CUL3: variants seen among roughly 807,000 people sequenced by gnomAD.
CUL3 encodes cullin 3, also known as cullin-3.
CUL3 carries 19 observed loss-of-function variants against 89.1 expected under a neutral mutation model. The ratio of observed to expected loss-of-function variants is 0.21; its 90% CI spans 0.15 to 0.31. The LOEUF (loss-of-function observed/expected upper bound fraction) is 0.31. Among genes scored for constraint, CUL3 ranks in the 10% least tolerant of loss-of-function variants. The pLI is 1.00. For missense variants in CUL3, 469 were observed against 942.3 expected (o/e 0.50, Z 6.58); for synonymous variants, 351 against 308.4 (o/e 1.14, Z -1.45).
chr2:224,508,685 C>T (rs565140588), intron 6 of CUL3, among the ~76,000 whole-genome samples: 1 of 152,120 alleles, frequency 6.6e-6, no homozygotes, highest in Non-Finnish European at 1.5e-5. Flanking sequence ...ACTGGCGAGA[C>T]ACGGTGGCTC....
At chr2:224,522,319 G>GA (rs34812504) in intron 3 of CUL3, among the ~76,000 whole-genome samples, 1 of 152,008 alleles carries the variant, frequency 6.6e-6, no homozygotes, top group Non-Finnish European at 1.5e-5. Context: ...CATAGTGGGG[G>GA]AAAAAAAGTC....
rs2106132266 is a variant in CUL3 at position 224,474,086 on chromosome 2, G to A, written c.*159C>T. On this transcript the variant is annotated 3_prime_UTR_variant, in exon 16 of 16. Transcript: ENST00000264414. ...CCTGAAGCTCAATCAACTGATGTTG[G>A]AAACTCTCAAAGGGAGTAAAGGCTT... 2 of 606,234 alleles carry A rather than the reference G, an allele frequency of 3.3e-6. No individual in the cohort carries two copies. 37.6% of individuals were successfully genotyped at this position (606,234 alleles called of 1,614,324 possible).
intron 15 of CUL3, among the ~76,000 whole-genome samples, chr2:224,476,655 G>C (rs934298962): frequency 9.9e-5 from 15 of 152,154 alleles, no homozygotes; most frequent in East Asian, 1.9e-4. Context: ...AGGTTCTCAG[G>C]AAGAGGCATG....
rs1306139386 is a variant in CUL3, at chr2:224,514,758, T to C, written c.393A>G (p.Val131=). 3.1e-6 allele frequency: 5 copies of C among 1,611,598 alleles called. No individual in the cohort carries two copies. The highest frequency in any genetic ancestry group is 2.5e-6 in the Non-Finnish European group (3 of 1,178,002). The change falls in exon 4 of 16, where the codon GTA becomes GTG. Residue 131 remains valine, a synonymous_variant. Transcript: ENST00000264414. ...DILMYMDRVY[V]QQNNVENVYN... Reference sequence around the variant, plus strand: ...AGACGTTCTCCACATTATTTTGTTGTACATACACACGGTCCTACAGTTAAA... The same window carrying C: ...AGACGTTCTCCACATTATTTTGTTGCACATACACACGGTCCTACAGTTAAA...
intron 1 of CUL3, among the ~76,000 whole-genome samples, chr2:224,576,852 G>A (rs893755624): frequency 2.0e-5 from 3 of 152,144 alleles, no homozygotes; most frequent in African/African-American, 7.2e-5. Flanking sequence ...CTTACTCTAA[G>A]GATTACATGT....
intron 9 of CUL3, 60 bp from the exon 10 acceptor site, chr2:224,503,132 CA>C (rs1692454201): frequency 9.5e-7 from 1 of 1,056,302 alleles, no homozygotes; most frequent in Admixed American, 1.9e-5. Flanking sequence ...TGAGAAAGTA[CA>C]GAAAGAAATA....
chr2:224,546,159 T>C (rs1445662566), intron 2 of CUL3, among the ~76,000 whole-genome samples: 2 of 152,192 alleles, frequency 1.3e-5, no homozygotes, highest in African/African-American at 2.4e-5. Context: ...AAGATATACA[T>C]TAAAAGCTAT....
At position 224,584,475 on chromosome 2, in the gene CUL3, G is replaced by A. The variant is rs191769255; in HGVS notation, c.66+469C>T. Among the ~76,000 whole-genome samples the A allele has an allele frequency of 1.3e-3, 199 of 152,270 alleles. 1 individual carries two copies. Among genetic ancestry groups the A allele is most frequent in the African/African-American group, 3.6e-3 (148 of 41,560 alleles). On this transcript the variant is annotated intron_variant, in intron 1 of 15. Transcript: ENST00000264414. ...GGCATAGACCTTCCTGGGGAGGGGG[G>A]CAGAGAGAGAGGGCAGCCCCTTCAT... is the stretch of plus-strand genomic sequence containing the variant.
At chr2:224,576,978 A>G (rs954721063) in intron 1 of CUL3, among the ~76,000 whole-genome samples, 2 of 152,198 alleles carry the variant, frequency 1.3e-5, no homozygotes, top group African/African-American at 4.8e-5. Flanking sequence ...AGAACGATTC[A>G]CAAACTGGCT....
intron 2 of CUL3, among the ~76,000 whole-genome samples, chr2:224,541,455 T>G (rs952809522): frequency 6.6e-6 from 1 of 152,160 alleles, no homozygotes; most frequent in Non-Finnish European, 1.5e-5. Context: ...TGACAAAGAT[T>G]TGCAACAACT....
At chr2:224,493,518 AGC>A (rs768629014) in intron 13 of CUL3, among the ~76,000 whole-genome samples, 4 of 152,206 alleles carry the variant, frequency 2.6e-5, no homozygotes, top group Non-Finnish European at 4.4e-5. Context: ...TTTGTGACTT[AGC>A]TAAAGTTGGA....
intron 2 of CUL3, among the ~76,000 whole-genome samples, chr2:224,550,882 A>T (rs530299991): frequency 1.9e-4 from 29 of 152,170 alleles, no homozygotes; most frequent in African/African-American, 5.8e-4. Context: ...ATGGCTTCCT[A>T]ACGTACATAT....
intron 13 of CUL3, among the ~76,000 whole-genome samples, chr2:224,490,048 A>G (rs989503684): frequency 6.6e-6 from 1 of 152,252 alleles, no homozygotes; most frequent in African/African-American, 2.4e-5. Flanking sequence ...AAGGATATGA[A>G]CAGACACTTC....
chr2:224,480,008 C>T (rs10933066), intron 14 of CUL3: 112,172 of 151,906 alleles, frequency 0.74, 42,451 homozygotes, highest in African/African-American at 0.92. Context: ...CCTAACACAA[C>T]ACTCCTCACT....
chr2:224,576,480 C>T (rs1695301085), intron 1 of CUL3, among the ~76,000 whole-genome samples: 1 of 152,140 alleles, frequency 6.6e-6, no homozygotes, highest in South Asian at 2.1e-4. Context: ...CTTAGAGTTA[C>T]AAAAACTTCA....
chr2:224,533,538 G>A (rs1033062378), intron 3 of CUL3, among the ~76,000 whole-genome samples: 7 of 152,140 alleles, frequency 4.6e-5, no homozygotes, highest in Non-Finnish European at 7.4e-5. Context: ...CAGAGTCTGC[G>A]TGTGTATAAA....
chr2:224,559,436 G>A (rs1465861400), intron 1 of CUL3, among the ~76,000 whole-genome samples: 1 of 139,924 alleles, frequency 7.1e-6, no homozygotes, highest in African/African-American at 2.7e-5. Flanking sequence ...CTAGGTGACA[G>A]AGCAAGATTG....
At chr2:224,555,367 C>G (rs1405118698) in intron 2 of CUL3, among the ~76,000 whole-genome samples, 1 of 152,154 alleles carries the variant, frequency 6.6e-6, no homozygotes, top group Non-Finnish European at 1.5e-5. Flanking sequence ...TCTAGCCTAT[C>G]ACTTTACCCA....
rs577191596 is a variant in CUL3 at position 224,580,119 on chromosome 2, T to TA, written c.66+4824dup. Among the ~76,000 whole-genome samples, 300 of 152,320 alleles carry TA rather than the reference T, an allele frequency of 2.0e-3. 1 individual carries two copies. The highest frequency in any genetic ancestry group is 2.1e-3 in the Non-Finnish European group (145 of 68,028). On this transcript the variant is annotated intron_variant, in intron 1 of 15. Coordinates refer to ENST00000264414, the MANE Select transcript of CUL3 (RefSeq NM_003590.5). ...TTTCACAATTACAGCCTGCTTTCTT[T>TA]AAAAAGTTTTGTGGTCCTTGTTCCT...
Sources: gnomAD v4.1 joint callset for allele counts (sites outside exome capture counted in the v4.1 genomes callset) on GRCh38, gnomAD v4.1.1 for gene constraint, MANE v1.5 for transcripts, NCBI Gene and HGNC (gene_info 2026-07-23, HGNC 2026-07-21) for gene names.